The following TMEM229B variants were observed in gnomAD, a reference collection of about 807,000 sequenced individuals.
TMEM229B encodes the protein transmembrane protein 229B.
In TMEM229B, 6 loss-of-function variants were observed where a neutral mutation model predicts 13.7. That is an observed-to-expected ratio of 0.44 (90% CI 0.24 to 0.86). The LOEUF is 0.86. Ranked by LOEUF, TMEM229B falls within the 40% of genes least tolerant of loss-of-function variation. The probability of loss-of-function intolerance (pLI) is 0.23; values close to 1 mark genes in which losing one functional copy is unlikely to be tolerated. For missense variants in TMEM229B, 170 were observed against 236.0 expected, an observed-to-expected ratio of 0.72 and a Z score of 1.83; for synonymous variants, 107 against 102.1, an observed-to-expected ratio of 1.05 and a Z score of -0.29.
intron 1 of TMEM229B, among the ~76,000 whole-genome samples, chr14:67,496,197 A>C (rs997190665): frequency 6.6e-6 from 1 of 152,038 alleles, no homozygotes; most frequent in Non-Finnish European, 1.5e-5. Context: ...TCTTATTATT[A>C]TTTTTAAAAA....
intron 2 of TMEM229B, among the ~76,000 whole-genome samples, chr14:67,486,338 G>A (rs533918500): frequency 2.6e-4 from 39 of 152,332 alleles, no homozygotes; most frequent in African/African-American, 7.9e-4. Context: ...GCAATGGCAC[G>A]ATCTTGGCTC....
intron 1 of TMEM229B, among the ~76,000 whole-genome samples, chr14:67,527,246 C>T (rs2033381657): frequency 6.6e-6 from 1 of 152,188 alleles, no homozygotes; most frequent in Non-Finnish European, 1.5e-5. Context: ...GCTATCTGAG[C>T]TTAGCCATGA....
intron 1 of TMEM229B, among the ~76,000 whole-genome samples, chr14:67,513,107 CA>C (rs1319855619): frequency 1.3e-5 from 2 of 152,168 alleles, no homozygotes; most frequent in African/African-American, 4.8e-5. Flanking sequence ...CACTTCAAAA[CA>C]GGAAGTTAGG....
chr14:67,490,003 A>G (rs1192007313), upstream of TMEM229B, among the ~76,000 whole-genome samples: 1 of 152,136 alleles, frequency 6.6e-6, no homozygotes, highest in Non-Finnish European at 1.5e-5. Context: ...AAAAAAAAAA[A>G]AATTCTGTCT....
At chr14:67,532,020 T>G (rs75790428) in intron 1 of TMEM229B, among the ~76,000 whole-genome samples, 1 of 152,000 alleles carries the variant, frequency 6.6e-6, no homozygotes, top group East Asian at 1.9e-4. Flanking sequence ...TTGAAGTGGA[T>G]AGCCTGAGCA....
intron 1 of TMEM229B, among the ~76,000 whole-genome samples, chr14:67,525,557 T>C (rs1318268071): frequency 6.6e-6 from 1 of 152,216 alleles, no homozygotes; most frequent in Non-Finnish European, 1.5e-5. Context: ...GTCACAATTG[T>C]AGCTGAAGAA....
chr14:67,484,802 C>T (rs1371350788), intron 2 of TMEM229B, among the ~76,000 whole-genome samples: 1 of 152,144 alleles, frequency 6.6e-6, no homozygotes, highest in African/African-American at 2.4e-5. Flanking sequence ...TCTGAACTAA[C>T]AGCGATTACC....
At chr14:67,477,709 G>A (rs889880986) in intron 2 of TMEM229B, among the ~76,000 whole-genome samples, 2 of 152,146 alleles carry the variant, frequency 1.3e-5, no homozygotes, top group Admixed American at 1.3e-4. Context: ...AGGATCGCTC[G>A]AGCCCAGAAC....
chr14:67,510,602 T>C (rs1222395203), intron 1 of TMEM229B, among the ~76,000 whole-genome samples: 1 of 152,202 alleles, frequency 6.6e-6, no homozygotes, highest in East Asian at 1.9e-4. Context: ...CTGGAACCGC[T>C]GCTTGTGTTG....
chr14:67,478,524 G>A (rs56284634), intron 2 of TMEM229B, among the ~76,000 whole-genome samples: 6 of 151,632 alleles, frequency 4.0e-5, no homozygotes, highest in East Asian at 1.9e-4. Flanking sequence ...TAGAAAAAAC[G>A]CAACCTTTCT....
At chr14:67,524,490 G>A (rs760429994) in intron 1 of TMEM229B, among the ~76,000 whole-genome samples, 7 of 152,162 alleles carry the variant, frequency 4.6e-5, no homozygotes, top group Non-Finnish European at 8.8e-5. Flanking sequence ...ACAGGCTTAG[G>A]ACTTCTTCCT....
intron 1 of TMEM229B, among the ~76,000 whole-genome samples, chr14:67,512,814 A>T (rs1270995801): frequency 3.3e-5 from 5 of 152,184 alleles, no homozygotes; most frequent in Non-Finnish European, 7.3e-5. Context: ...GCTCCAAGCC[A>T]TCCTGGGAGG....
upstream of TMEM229B, among the ~76,000 whole-genome samples, chr14:67,492,248 C>T (rs1482673045): frequency 6.6e-6 from 1 of 152,194 alleles, no homozygotes; most frequent in Non-Finnish European, 1.5e-5. Context: ...CTGCTTGCTG[C>T]CTGAAAGGCT....
In TMEM229B at chr14:67,473,073, C is replaced by A; in HGVS notation, c.*347G>T. The A allele has an allele frequency of 3.6e-6, 1 of 275,462 alleles. No homozygotes were observed. The allele number at this position is 275,462 out of a possible 1,614,324, so 17.1% of individuals were successfully genotyped here. A position where few individuals can be genotyped will look rare whatever the true frequency, so the allele number is the denominator to read the frequency against. On this transcript the variant is annotated 3_prime_UTR_variant, in exon 3 of 3. Transcript: ENST00000554480. This position sits in a 1 kb window ranked among gnomAD's most constrained non-coding sequence, Gnocchi z 6.5. ...TCAGGCCTTGCCTCCCACCTGCGGC[C>A]CCATTCTCATTGTCCCTTGGCCAGG...
At chr14:67,501,730 T>A (rs1384161080) in intron 1 of TMEM229B, among the ~76,000 whole-genome samples, 3 of 152,134 alleles carry the variant, frequency 2.0e-5, no homozygotes, top group African/African-American at 7.2e-5. Flanking sequence ...AGCACCAAAG[T>A]CCCCTATCTA....
At chr14:67,493,059 G>A (rs79111789), upstream of TMEM229B, among the ~76,000 whole-genome samples, 1,467 of 152,308 alleles carry the variant, frequency 9.6e-3, 22 homozygotes, top group African/African-American at 0.032. Flanking sequence ...AGAAGAAGCC[G>A]TGCAAAGAAC....
chr14:67,511,129 T>A (rs1018295557), intron 1 of TMEM229B, among the ~76,000 whole-genome samples: 1 of 151,990 alleles, frequency 6.6e-6, no homozygotes, highest in Non-Finnish European at 1.5e-5. Context: ...GTGACAGGGG[T>A]GCCTCTTAAT....
At chr14:67,484,032 C>A (rs563535502) in intron 2 of TMEM229B, among the ~76,000 whole-genome samples, 5 of 152,336 alleles carry the variant, frequency 3.3e-5, no homozygotes, top group Non-Finnish European at 7.3e-5. Context: ...CTGTATGTGG[C>A]TGCCTTGCTG....
chr14:67,480,930 T>C (rs1158362899), intron 2 of TMEM229B, among the ~76,000 whole-genome samples: 1 of 152,024 alleles, frequency 6.6e-6, no homozygotes, highest in Non-Finnish European at 1.5e-5. Flanking sequence ...CCAAAACCCT[T>C]GGAGCAGAAG....
Sources: gnomAD v4.1 joint callset for allele counts (sites outside exome capture counted in the v4.1 genomes callset) on GRCh38, gnomAD v4.1.1 for gene constraint, Gnocchi (gnomAD v3.1) non-coding constraint, MANE v1.5 for transcripts, NCBI Gene and HGNC (gene_info 2026-07-23, HGNC 2026-07-21) for gene names.